Variants in TTLL6 observed in about 807,000 individuals in gnomAD.
The protein encoded by TTLL6 is tubulin polyglutamylase TTLL6.
A neutral mutation model predicts 96.4 loss-of-function variants in TTLL6; 75 were observed. The observed-to-expected ratio is 0.78, with a 90% confidence interval of 0.65 to 0.94. TTLL6 has a LOEUF of 0.94. TTLL6 is among the 40% of genes least tolerant of loss of function. The probability of loss-of-function intolerance (pLI) is 0.00; values close to 1 mark genes in which losing one functional copy is unlikely to be tolerated. For missense variants in TTLL6, 1,030 were observed against 1,093.0 expected (o/e 0.94, Z 0.81); for synonymous variants, 411 against 419.4 (o/e 0.98, Z 0.24).
At chr17:48,790,965 A>T (rs1282189910) in intron 9 of TTLL6, among the ~76,000 whole-genome samples, 1 of 152,046 alleles carries the variant, frequency 6.6e-6, no homozygotes, top group Non-Finnish European at 1.5e-5. Flanking sequence ...AGGCCCCAGG[A>T]CGCTCTCTGC....
At chr17:48,768,840 C>T in intron 15 of TTLL6, 149 bp downstream of exon 15, 1 of 889,552 alleles carries the variant, frequency 1.1e-6, no homozygotes. Flanking sequence ...CTGCACCCAG[C>T]CAGGGTCACA....
chr17:48,791,776 G>A (rs1381492008), intron 8 of TTLL6, among the ~76,000 whole-genome samples, 173 bp from the exon 9 acceptor site: 1 of 152,130 alleles, frequency 6.6e-6, no homozygotes, highest in Non-Finnish European at 1.5e-5. Context: ...TGAGGTCCCA[G>A]GAATCCCAGG....
chr17:48,794,104 G>C, intron 8 of TTLL6: 1 of 1,560,818 alleles, frequency 6.4e-7, no homozygotes, highest in Non-Finnish European at 8.7e-7. Context: ...CCAGGAGAGA[G>C]TGGATGGAGA....
At chr17:48,799,529 T>C (rs1470229040) in intron 6 of TTLL6, 75 bp downstream of exon 6, 133 of 1,443,600 alleles carry the variant, frequency 9.2e-5, no homozygotes, top group Non-Finnish European at 1.2e-4. Flanking sequence ...ATCCCCTCAT[T>C]TCACATTCTG....
intron 1 of TTLL6, among the ~76,000 whole-genome samples, chr17:48,816,012 T>C (rs1416806854): frequency 6.6e-6 from 1 of 152,240 alleles, no homozygotes; most frequent in Non-Finnish European, 1.5e-5. Context: ...TTAGCCTCTC[T>C]GTACCTCAGC....
chr17:48,788,078 T>A, intron 10 of TTLL6, 79 bp from the exon 11 acceptor site: 1 of 1,410,766 alleles, frequency 7.1e-7, no homozygotes. Context: ...AAGCTGGAGG[T>A]CGTCTAGGGC....
intron 6 of TTLL6, 52 bp from the exon 7 acceptor site, chr17:48,797,256 T>A (rs2039333269): frequency 6.6e-7 from 1 of 1,505,146 alleles, no homozygotes; most frequent in African/African-American, 1.4e-5. Context: ...AATTTACACT[T>A]GAAAATCACT....
intron 13 of TTLL6, among the ~76,000 whole-genome samples, chr17:48,771,055 G>A (rs2038734158): frequency 6.6e-6 from 1 of 152,222 alleles, no homozygotes; most frequent in Non-Finnish European, 1.5e-5. Context: ...TCCACATGGT[G>A]TGGGCAGCAG....
chr17:48,763,183 G>A (rs1477221900), intron 15 of TTLL6, among the ~76,000 whole-genome samples: 1 of 152,066 alleles, frequency 6.6e-6, no homozygotes, highest in Non-Finnish European at 1.5e-5. Context: ...GATCATTTAA[G>A]AGCAGCCAAG....
At chr17:48,797,977 G>A (rs775378707) in intron 6 of TTLL6, among the ~76,000 whole-genome samples, 2 of 152,028 alleles carry the variant, frequency 1.3e-5, no homozygotes, top group Non-Finnish European at 2.9e-5. Context: ...GTGTGGTGGT[G>A]TATGCCTGAA....
chr17:48,782,867 T>C (rs2039015559), intron 13 of TTLL6, among the ~76,000 whole-genome samples: 1 of 151,964 alleles, frequency 6.6e-6, no homozygotes, highest in South Asian at 2.1e-4. Flanking sequence ...GCACCCACCA[T>C]CATGCCCAGC....
At chr17:48,766,902 G>A (rs2038623345) in intron 15 of TTLL6, among the ~76,000 whole-genome samples, 1 of 151,518 alleles carries the variant, frequency 6.6e-6, no homozygotes, top group Middle Eastern at 3.4e-3. Flanking sequence ...TGTAAGACAA[G>A]TACTTATTAC....
intron 5 of TTLL6, chr17:48,800,198 C>A (rs2039385292): frequency 6.4e-6 from 1 of 157,154 alleles, no homozygotes; most frequent in South Asian, 2.0e-4. Flanking sequence ...CTGGACCTGG[C>A]TCAAGCCCTG....
At position 48,801,600 on chromosome 17, in the gene TTLL6, T is replaced by C. The variant is rs1567733156; in HGVS notation, c.405A>G (p.Glu135=). ...TCCAATAGAGAGTCCAGTCATCGTC[T>C]TCCCCTCCCTCTCTAAAGCCGTACT... ...AQQYGFREGG[E]DDDWTLYWTD... Residue 135 remains glutamate, a synonymous_variant, in exon 4 of 16, where the codon GAA becomes GAG. Coordinates refer to ENST00000393382, the MANE Select transcript of TTLL6 (RefSeq NM_001130918.3). The C allele has an allele frequency of 4.5e-6, 7 of 1,551,816 alleles. No homozygotes were observed. The highest frequency in any genetic ancestry group is 5.2e-6 in the Non-Finnish European group (6 of 1,147,020).
In TTLL6 at chr17:48,787,832, C is replaced by A; in HGVS notation, c.1568G>T (p.Arg523Met). The A allele has an allele frequency of 6.2e-7, 1 of 1,614,136 alleles. No individual in the cohort carries two copies. Among genetic ancestry groups the A allele is most frequent in the Non-Finnish European group, 8.5e-7 (1 of 1,179,992 alleles). ...NSLFQNTVAS[R>M]AREEYARQLI... ...CTACCGGGCATACTCCTCCCGAGCC[C>A]TGGAAGCAACAGTATTCTGGAAGAG... The change falls in exon 11 of 16, where the codon AGG becomes ATG. Residue 523 changes from arginine to methionine, a missense_variant. Transcript: ENST00000393382.
intron 1 of TTLL6, among the ~76,000 whole-genome samples, chr17:48,811,182 C>G (rs1025684819): frequency 6.7e-6 from 1 of 150,014 alleles, no homozygotes; most frequent in African/African-American, 2.5e-5. Flanking sequence ...GATTCTGTTG[C>G]CTCAGCCTCC....
At chr17:48,788,888 C>T (rs1288166737) in intron 10 of TTLL6, among the ~76,000 whole-genome samples, 1 of 152,082 alleles carries the variant, frequency 6.6e-6, no homozygotes, top group Non-Finnish European at 1.5e-5. Context: ...GAAACTCAAC[C>T]CCAAAGGATT....
intron 9 of TTLL6, among the ~76,000 whole-genome samples, chr17:48,790,962 A>G (rs2039207206): frequency 6.6e-6 from 1 of 152,186 alleles, no homozygotes; most frequent in Non-Finnish European, 1.5e-5. Context: ...AGCAGGCCCC[A>G]GGACGCTCTC....
chr17:48,786,383 C>CGCAG, intron 11 of TTLL6, 48 bp from the exon 12 acceptor site: 2 of 1,610,708 alleles, frequency 1.2e-6, no homozygotes, highest in Non-Finnish European at 1.7e-6. Flanking sequence ...AAATGCGCTG[C>CGCAG]GCAGGCAGGC....
Sources: gnomAD v4.1 joint callset for allele counts (sites outside exome capture counted in the v4.1 genomes callset) on GRCh38, gnomAD v4.1.1 for gene constraint, MANE v1.5 for transcripts, NCBI Gene and HGNC (gene_info 2026-07-23, HGNC 2026-07-21) for gene names.